Variants in TMEM268 observed in about 807,000 individuals in gnomAD.
The protein encoded by TMEM268 is transmembrane protein 268, also known as transmembrane protein C9orf91.
In TMEM268, 24 loss-of-function variants were observed where a neutral mutation model predicts 39.1. The ratio of observed to expected loss-of-function variants is 0.61; its 90% confidence interval spans 0.44 to 0.86. The LOEUF (loss-of-function observed/expected upper bound fraction) is 0.86. TMEM268 is among the 40% of genes least tolerant of loss of function. The probability of loss-of-function intolerance (pLI) is 0.00; values close to 1 mark genes in which losing one functional copy is unlikely to be tolerated. For synonymous variants in TMEM268, 176 were observed against 173.5 expected, an observed-to-expected ratio of 1.01 and a Z score of -0.12; for missense variants, 409 against 428.6, an observed-to-expected ratio of 0.95 and a Z score of 0.40.
intron 6 of TMEM268, 138 bp downstream of exon 6, chr9:114,634,016 C>T (rs1846520731): frequency 2.1e-6 from 1 of 487,530 alleles, no homozygotes; most frequent in Non-Finnish European, 3.7e-6. Context: ...CAGCCCTTTC[C>T]TTCCTCCCTG....
chr9:114,608,296 A>T (rs1487116610), upstream of TMEM268, among the ~76,000 whole-genome samples: 2 of 152,250 alleles, frequency 1.3e-5, no homozygotes, highest in Admixed American at 1.3e-4. Context: ...CTCCCAGATT[A>T]GCAGTTATCT....
intron 6 of TMEM268, among the ~76,000 whole-genome samples, chr9:114,634,356 A>G (rs993841994): frequency 6.6e-6 from 1 of 152,190 alleles, no homozygotes; most frequent in African/African-American, 2.4e-5. Flanking sequence ...GGCTGCATGG[A>G]GCTCACCATG....
chr9:114,609,409 G>A (rs375711768), upstream of TMEM268, among the ~76,000 whole-genome samples: 25 of 151,992 alleles, frequency 1.6e-4, no homozygotes, highest in African/African-American at 5.6e-4. Flanking sequence ...TGGCTTGCAC[G>A]TGTAATCCCA....
At chr9:114,620,064 A>C (rs1589333449) in intron 2 of TMEM268, among the ~76,000 whole-genome samples, 1 of 151,948 alleles carries the variant, frequency 6.6e-6, no homozygotes, top group Admixed American at 6.6e-5. Flanking sequence ...AAATACAAAA[A>C]ATTAGCCGGG....
At chr9:114,627,070 C>A in intron 4 of TMEM268, 64 bp downstream of exon 4, 1 of 1,218,634 alleles carries the variant, frequency 8.2e-7, no homozygotes, top group Non-Finnish European at 1.2e-6. Context: ...CCAAATTCAG[C>A]ACCGTGTCTT....
At chr9:114,620,322 G>A (rs140370632) in intron 2 of TMEM268, among the ~76,000 whole-genome samples, 459 of 152,164 alleles carry the variant, frequency 3.0e-3, no homozygotes, top group African/African-American at 0.011. Flanking sequence ...TTGGCTCACT[G>A]CAGCCTTGAC....
rs374290052 is a variant in TMEM268, at chr9:114,626,892, C to G, written c.217-7C>G. 12 of 1,598,050 alleles carry G rather than the reference C, an allele frequency of 7.5e-6. No individual in the cohort carries two copies. The highest frequency in any genetic ancestry group is 2.7e-5 in the African/African-American group (2 of 74,712). Reference sequence around the variant, plus strand: ...CTGATTGATCTCTTTCCCTGGGTTCCAAGCAGGTCCCGGCTGACCAGTACA... The same window carrying G: ...CTGATTGATCTCTTTCCCTGGGTTCGAAGCAGGTCCCGGCTGACCAGTACA... On this transcript the variant is annotated splice_polypyrimidine_tract_variant and splice_region_variant and intron_variant, in intron 3 of 8. Transcript: ENST00000288502.
intron 2 of TMEM268, among the ~76,000 whole-genome samples, chr9:114,621,176 A>C (rs898368022): frequency 1.3e-5 from 2 of 151,928 alleles, no homozygotes; most frequent in Non-Finnish European, 2.9e-5. Context: ...TCTCTACAAA[A>C]TAAAAAATTA....
At chr9:114,633,294 T>A (rs1846480595) in intron 5 of TMEM268, among the ~76,000 whole-genome samples, 1 of 151,962 alleles carries the variant, frequency 6.6e-6, no homozygotes, top group African/African-American at 2.4e-5. Context: ...CCCGAGTAGC[T>A]GGGACTACAG....
At chr9:114,635,049 C>T (rs983759945) in intron 6 of TMEM268, among the ~76,000 whole-genome samples, 2 of 151,946 alleles carry the variant, frequency 1.3e-5, no homozygotes, top group African/African-American at 2.4e-5. Flanking sequence ...GGATAGATGA[C>T]TAAAGAATGG....
chr9:114,618,246 T>A (rs1313605141), intron 2 of TMEM268, among the ~76,000 whole-genome samples: 1 of 152,170 alleles, frequency 6.6e-6, no homozygotes, highest in African/African-American at 2.4e-5. Flanking sequence ...TCCATGGGGC[T>A]TAGTGTGAAG....
At chr9:114,614,592 C>G (rs563748497) in intron 1 of TMEM268, among the ~76,000 whole-genome samples, 94 of 152,356 alleles carry the variant, frequency 6.2e-4, no homozygotes, top group Admixed American at 3.7e-3. Flanking sequence ...CAGTGGCCAT[C>G]AGCCCTTGGG....
chr9:114,633,879 G>C lies in TMEM268; in HGVS notation c.585+1G>C, dbSNP rs1299670070. On this transcript the variant is annotated splice_donor_variant, in intron 6 of 8. Coordinates refer to ENST00000288502, the MANE Select transcript of TMEM268 (RefSeq NM_153045.4). LOFTEE classifies it high-confidence loss of function. ...GGAAGGATGCCAGAGTGTGATTCAG[G>C]TGCTGTGTCTCATAGTTACCTCTTC... The C allele has an allele frequency of 5.1e-6, 8 of 1,566,976 alleles. No homozygotes were observed. Among genetic ancestry groups the C allele is most frequent in the Non-Finnish European group, 7.0e-6 (8 of 1,150,662 alleles).
At chr9:114,623,190 G>A (rs368736017) in intron 2 of TMEM268, among the ~76,000 whole-genome samples, 1 of 152,042 alleles carries the variant, frequency 6.6e-6, no homozygotes, top group Non-Finnish European at 1.5e-5. Context: ...CATTCTTGTT[G>A]CCCAGGCTGG....
chr9:114,630,548 C>G (rs77433075), intron 5 of TMEM268, among the ~76,000 whole-genome samples: 1 of 152,120 alleles, frequency 6.6e-6, no homozygotes, highest in African/African-American at 2.4e-5. Flanking sequence ...GGCAGGATAC[C>G]GCCGCCATTT....
chr9:114,617,156 A>G lies in TMEM268; in HGVS notation c.-40A>G. Reference sequence around the variant, plus strand: ...AGCTGGCTGCTCCAGAATGAACCACAGCTCTGAGAAGGGGAAGTAGAAACA... The same window carrying G: ...AGCTGGCTGCTCCAGAATGAACCACGGCTCTGAGAAGGGGAAGTAGAAACA... On this transcript the variant is annotated 5_prime_UTR_variant, in exon 2 of 9. Transcript: ENST00000288502. 1 of 1,349,326 alleles carries G rather than the reference A, an allele frequency of 7.4e-7. No individual in the cohort carries two copies. Among genetic ancestry groups the G allele is most frequent in the African/African-American group, 1.5e-5 (1 of 67,954 alleles). The allele number at this position is 1,349,326 out of a possible 1,614,324, so 83.6% of individuals were successfully genotyped here.
In TMEM268 at chr9:114,643,250, C is replaced by T. The variant is rs146404729; in HGVS notation, c.966C>T (p.Cys322=). 2.2e-5 allele frequency: 35 copies of T among 1,614,054 alleles called. 1 individual carries two copies. In the African/African-American group the frequency reaches 4.4e-4, roughly 20 times the overall value. Residue 322 remains cysteine (C), a synonymous_variant, in exon 9 of 9, where the codon TGC becomes TGT. Coordinates refer to ENST00000288502, the MANE Select transcript of TMEM268 (RefSeq NM_153045.4). ...TRHTNSPRIP[C]PCQLIEAYIL... ...ACACGAACTCTCCGAGAATTCCATG[C>T]CCCTGCCAGCTCATAGAAGCCTACA... is the stretch of plus-strand genomic sequence containing the variant.
chr9:114,628,113 G>A lies in TMEM268; in HGVS notation c.337G>A (p.Val113Met). ...TGGCATCTTGCAGGTTTTCTATGTG[G>A]TGGTGTGGGCCAATATCTACTCTAC... ...RLAFAVVFYV[V>M]VWANIYSTSQ... The change falls in exon 5 of 9, where the codon GTG (valine) becomes ATG (methionine). Residue 113 changes from valine to methionine, a missense_variant. Coordinates refer to ENST00000288502, the MANE Select transcript of TMEM268 (RefSeq NM_153045.4). The A allele has an allele frequency of 2.5e-6, 4 of 1,613,758 alleles. No homozygotes were observed. The highest frequency in any genetic ancestry group is 3.4e-6 in the Non-Finnish European group (4 of 1,179,684).
chr9:114,619,291 G>T (rs541684813), intron 2 of TMEM268, among the ~76,000 whole-genome samples: 2,638 of 102,654 alleles, frequency 0.026, 43 homozygotes, highest in Middle Eastern at 0.053. Flanking sequence ...GCGTGCACGC[G>T]TGCACACACA....
Sources: allele counts gnomAD v4.1 joint callset (sites outside exome capture counted in the v4.1 genomes callset), GRCh38; gene constraint gnomAD v4.1.1; transcripts MANE v1.5; gene names NCBI Gene and HGNC (gene_info 2026-07-23, HGNC 2026-07-21).